AHI1: variants seen among roughly 807,000 people sequenced by gnomAD.
AHI1 encodes the protein Abelson helper integration site 1.
In AHI1, 123 loss-of-function variants were observed where a neutral mutation model predicts 149.3. That is an observed-to-expected ratio of 0.82 (90% CI 0.71 to 0.96). The LOEUF is 0.96. AHI1 is among the 40% of genes least tolerant of loss of function. The pLI, the probability that AHI1 is intolerant of heterozygous loss-of-function variation, is 0.00. For synonymous variants in AHI1, 475 were observed against 459.8 expected, an observed-to-expected ratio of 1.03 and a Z score of -0.42; for missense variants, 1,439 against 1,422.7, an observed-to-expected ratio of 1.01 and a Z score of -0.18.
At chr6:135,348,058 C>T (rs771059759) in intron 24 of AHI1, among the ~76,000 whole-genome samples, 2 of 152,140 alleles carry the variant, frequency 1.3e-5, no homozygotes, top group African/African-American at 2.4e-5. Flanking sequence ...GTGTTAGTGA[C>T]GGCCGTGTGG....
At chr6:135,373,660 T>C (rs1775403915) in intron 23 of AHI1, among the ~76,000 whole-genome samples, 1 of 152,184 alleles carries the variant, frequency 6.6e-6, no homozygotes, top group South Asian at 2.1e-4. Flanking sequence ...TTAGTTTTCC[T>C]AAACCCTACC....
intron 11 of AHI1, among the ~76,000 whole-genome samples, chr6:135,448,837 A>G (rs886751180): frequency 7.9e-5 from 12 of 152,376 alleles, no homozygotes; most frequent in Admixed American, 7.2e-4. Flanking sequence ...TATTTACACA[A>G]GACACAAATC....
chr6:135,470,179 A>G (rs1791463772), intron 5 of AHI1, among the ~76,000 whole-genome samples: 1 of 152,234 alleles, frequency 6.6e-6, no homozygotes, highest in African/African-American at 2.4e-5. Flanking sequence ...ACACTTCTTA[A>G]AAGAAGACAT....
At chr6:135,313,410 C>T (rs748837460) in intron 26 of AHI1, among the ~76,000 whole-genome samples, 20 of 152,142 alleles carry the variant, frequency 1.3e-4, no homozygotes, top group Admixed American at 6.5e-5. Flanking sequence ...ATTCCTACTC[C>T]CTTGCCCAAA....
intron 13 of AHI1, among the ~76,000 whole-genome samples, chr6:135,445,207 T>A (rs377559265): frequency 4.6e-5 from 7 of 152,290 alleles, no homozygotes; most frequent in African/African-American, 1.4e-4. Flanking sequence ...TGAAGATGAA[T>A]AAGTAAGAAT....
chr6:135,315,908 A>T (rs1785877724), intron 26 of AHI1, among the ~76,000 whole-genome samples: 1 of 152,172 alleles, frequency 6.6e-6, no homozygotes, highest in Non-Finnish European at 1.5e-5. Flanking sequence ...TTACCTGTTT[A>T]GAGGGGCACT....
rs749698150 is a variant in AHI1 at position 135,447,047 on chromosome 6, C to G, written c.1740G>C (p.Glu580Asp). 6.3e-7 allele frequency: 1 copy of G among 1,595,372 alleles called. No individual in the cohort carries two copies. Among genetic ancestry groups the G allele is most frequent in the Non-Finnish European group, 8.6e-7 (1 of 1,168,910 alleles). Residue 580 changes from glutamate to aspartate, a missense_variant, in exon 13 of 29, where the codon GAG (glutamate) becomes GAC (aspartate). Transcript: ENST00000265602. Reference protein sequence around the residue: ...SSVDTEPGLEESKEVIKWKRL... With the variant: ...SSVDTEPGLEDSKEVIKWKRL... ...GTTTCCACTTTATTACTTCCTTTGA[C>G]TCTTCTAATCCAGGTTCTGTGTCTA...
In AHI1 at chr6:135,463,224, G is replaced by A. The variant is rs779678242; in HGVS notation, c.832C>T (p.Gln278Ter). The A allele has an allele frequency of 6.2e-7, 1 of 1,609,484 alleles. No individual in the cohort carries two copies. Among genetic ancestry groups the A allele is most frequent in the Non-Finnish European group, 8.5e-7 (1 of 1,179,032 alleles). ...SVRSVSSDSH[Q>*]DDEISSMEQS... Reference sequence around the variant, plus strand: ...TCCATTGAGCTTATTTCATCATCTTGATGAGAATCTGAAGAAACTGATCTA... The same window carrying A: ...TCCATTGAGCTTATTTCATCATCTTAATGAGAATCTGAAGAAACTGATCTA... Residue 278 changes from glutamine to a stop codon, truncating the protein, a stop_gained, in exon 8 of 29, where the codon CAA (glutamine) becomes TAA (stop). Coordinates refer to ENST00000265602, the MANE Select transcript of AHI1 (RefSeq NM_001134831.2). LOFTEE classifies it high-confidence loss of function.
chr6:135,396,190 T>TG lies in AHI1; in HGVS notation c.2989-1295dup, dbSNP rs1012515438. 8.0e-4 allele frequency among the ~76,000 whole-genome samples: 122 copies of TG among 151,728 alleles called. 2 individuals are homozygous for TG. The highest frequency in any genetic ancestry group is 1.2e-3 in the South Asian group (6 of 4,806). ...AAATAAAAGTATTTTCCAAAGTAGT[T>TG]GGGGGGGTCAAATACCACATCAGTC... On this transcript the variant is annotated intron_variant, in intron 22 of 28. Transcript: ENST00000265602.
intron 20 of AHI1, among the ~76,000 whole-genome samples, chr6:135,419,643 CTA>C (rs907777854): frequency 2.0e-5 from 3 of 152,106 alleles, no homozygotes; most frequent in African/African-American, 7.2e-5. Context: ...TAACAATCAT[CTA>C]TGTCTTCAGT....
rs148361559 is a variant in AHI1, at chr6:135,448,765, G to A, written c.1441-290C>T. Reference sequence around the variant, plus strand: ...TTTACATTACTGTGCCAGATTTCACGCTGAACAAAGGAAGTGATCAATACA... The same window carrying A: ...TTTACATTACTGTGCCAGATTTCACACTGAACAAAGGAAGTGATCAATACA... On this transcript the variant is annotated intron_variant, in intron 11 of 28. Coordinates refer to ENST00000265602, the MANE Select transcript of AHI1 (RefSeq NM_001134831.2). 9.3e-3 allele frequency among the ~76,000 whole-genome samples: 1,421 copies of A among 152,212 alleles called. 5 individuals are homozygous for A. Among genetic ancestry groups the A allele is most frequent in the Non-Finnish European group, 0.014 (972 of 68,006 alleles).
intron 24 of AHI1, among the ~76,000 whole-genome samples, chr6:135,328,269 G>A (rs1368252942): frequency 6.6e-6 from 1 of 152,210 alleles, no homozygotes; most frequent in African/African-American, 2.4e-5. Context: ...CAAACATGTA[G>A]ATACTGCATT....
chr6:135,451,628 C>A (rs1259682805), intron 11 of AHI1, among the ~76,000 whole-genome samples: 2 of 151,920 alleles, frequency 1.3e-5, no homozygotes, highest in African/African-American at 4.8e-5. Context: ...GATAAGAATT[C>A]TTGACTGCCA....
intron 20 of AHI1, among the ~76,000 whole-genome samples, chr6:135,419,923 T>C (rs1323662748): frequency 6.6e-6 from 1 of 152,182 alleles, no homozygotes; most frequent in Non-Finnish European, 1.5e-5. Context: ...CCTAAATCTT[T>C]GTTGTCATCT....
chr6:135,463,397 C>G (rs1230237805), intron 7 of AHI1, 91 bp from the exon 8 acceptor site: 2 of 1,048,180 alleles, frequency 1.9e-6, no homozygotes, highest in Non-Finnish European at 2.7e-6. Context: ...TAAATAGGAG[C>G]AAAGATAATC....
intron 27 of AHI1, among the ~76,000 whole-genome samples, chr6:135,293,362 T>C (rs1782596840): frequency 1.6e-5 from 2 of 128,950 alleles, no homozygotes; most frequent in Admixed American, 9.2e-5. Flanking sequence ...TTCAACATTG[T>C]ATTAGAGGTT....
chr6:135,402,336 G>A (rs1229536675), intron 22 of AHI1, among the ~76,000 whole-genome samples: 2 of 152,090 alleles, frequency 1.3e-5, no homozygotes, highest in Non-Finnish European at 2.9e-5. Flanking sequence ...CCATAGAAAT[G>A]AGAATATATA....
intron 23 of AHI1, among the ~76,000 whole-genome samples, chr6:135,388,973 C>T (rs932425022): frequency 6.6e-6 from 1 of 151,256 alleles, no homozygotes; most frequent in African/African-American, 2.4e-5. Context: ...GACCGCGCCA[C>T]TGCACTCCAG....
intron 24 of AHI1, among the ~76,000 whole-genome samples, chr6:135,333,553 A>G (rs956612171): frequency 7.9e-5 from 12 of 152,234 alleles, no homozygotes; most frequent in Non-Finnish European, 1.3e-4. Context: ...AAGAAAGTAA[A>G]TAATTGCACA....
Sources: allele counts gnomAD v4.1 joint callset (sites outside exome capture counted in the v4.1 genomes callset), GRCh38; gene constraint gnomAD v4.1.1; transcripts MANE v1.5; gene names NCBI Gene and HGNC (gene_info 2026-07-23, HGNC 2026-07-21).